The following DPYD variants were observed in gnomAD, a reference collection of about 807,000 sequenced individuals.
DPYD encodes the protein dihydropyrimidine dehydrogenase [NADP(+)].
In DPYD, 109 loss-of-function variants were observed where a neutral mutation model predicts 116.2. That is an observed-to-expected ratio of 0.94 (90% CI 0.80 to 1.10). The LOEUF (loss-of-function observed/expected upper bound fraction) is 1.10. Among genes scored for constraint, DPYD ranks in the 50% least tolerant of loss-of-function variants. DPYD has a pLI of 0.00. For synonymous variants in DPYD, 440 were observed against 432.0 expected, an observed-to-expected ratio of 1.02 and a Z score of -0.23; for missense variants, 1,302 against 1,254.5, an observed-to-expected ratio of 1.04 and a Z score of -0.57.
chr1:97,770,489 T>C (rs954814762), intron 3 of DPYD, among the ~76,000 whole-genome samples: 3 of 152,120 alleles, frequency 2.0e-5, no homozygotes, highest in African/African-American at 7.2e-5. Flanking sequence ...AAATTTTGAA[T>C]AGTGAATGCT....
chr1:97,637,414 C>T (rs1258441900), intron 8 of DPYD, among the ~76,000 whole-genome samples: 3 of 152,016 alleles, frequency 2.0e-5, no homozygotes, highest in East Asian at 1.9e-4. Context: ...TATGAATAAA[C>T]CTTTTTTCCT....
Position 97,181,723 on chromosome 1 carries a change from A to G in DPYD, c.2622+11346T>C, listed in dbSNP as rs79975132. Among the ~76,000 whole-genome samples, 272 of 152,286 alleles carry G rather than the reference A, an allele frequency of 1.8e-3. 2 individuals carry two copies. The highest frequency in any genetic ancestry group is 6.2e-3 in the African/African-American group (258 of 41,552). ...TTGCTCAAATGTTTCTATCTACCCC[A>G]ATATTACCCATATATTTTGGAAATG... On this transcript the variant is annotated intron_variant, in intron 20 of 22. Transcript: ENST00000370192.
intron 14 of DPYD, among the ~76,000 whole-genome samples, chr1:97,421,675 G>T (rs1038677852): frequency 5.9e-5 from 9 of 152,144 alleles, no homozygotes; most frequent in African/African-American, 2.2e-4. Flanking sequence ...GGCCCAAGGT[G>T]AGACACAGGC....
At chr1:97,788,380 G>A (rs956734684) in intron 3 of DPYD, among the ~76,000 whole-genome samples, 4 of 152,142 alleles carry the variant, frequency 2.6e-5, no homozygotes, top group Non-Finnish European at 5.9e-5. Flanking sequence ...AGGAGGAGAA[G>A]CCATATGAGA....
rs371121518 is a variant in DPYD, at chr1:97,118,248, G to A, written c.2623-19616C>T. 7.9e-5 allele frequency among the ~76,000 whole-genome samples: 12 copies of A among 152,146 alleles called. No homozygotes were observed. In the East Asian group the frequency reaches 1.9e-3, roughly 24 times the overall value. On this transcript the variant is annotated intron_variant, in intron 20 of 22. Transcript: ENST00000370192. Reference sequence around the variant, plus strand: ...CAGCACATCGTCTCCCAGTCCAGGCGGGTCTTCCACCCAGACTCTGGGCAC... The same window carrying A: ...CAGCACATCGTCTCCCAGTCCAGGCAGGTCTTCCACCCAGACTCTGGGCAC...
chr1:97,648,801 A>C (rs115408989), intron 8 of DPYD, among the ~76,000 whole-genome samples: 105 of 152,128 alleles, frequency 6.9e-4, no homozygotes, highest in Non-Finnish European at 1.2e-3. Flanking sequence ...AGAACAAAGA[A>C]TTGTTAAGTA....
At chr1:97,704,324 C>T (rs928184904) in intron 5 of DPYD, among the ~76,000 whole-genome samples, 85 of 151,586 alleles carry the variant, frequency 5.6e-4, no homozygotes, top group Non-Finnish European at 1.1e-3. Context: ...AAATTGAAAT[C>T]AATTATAAAT....
In DPYD at chr1:97,098,563, T is replaced by C; in HGVS notation, c.2692A>G (p.Lys898Glu). ...KIIAENKIRL[K>E]EQNVAFSPLK... ...GGTGAAAAAGCTACATTTTGTTCTT[T>C]CAGTCTAATCTTGTTTTCTGCTATG... The change falls in exon 21 of 23, where the codon AAA (lysine) becomes GAA (glutamate). Residue 898 changes from lysine to glutamate, a missense_variant. Transcript: ENST00000370192. The C allele has an allele frequency of 6.2e-7, 1 of 1,613,312 alleles. No individual in the cohort carries two copies. The highest frequency in any genetic ancestry group is 1.1e-5 in the South Asian group (1 of 91,066).
At chr1:97,565,545 C>A (rs1261221043) in intron 11 of DPYD, among the ~76,000 whole-genome samples, 2 of 152,262 alleles carry the variant, frequency 1.3e-5, no homozygotes, top group African/African-American at 2.4e-5. Flanking sequence ...CAGAATGCCT[C>A]CCCGTTGTCT....
chr1:97,152,639 A>G (rs988806259), intron 20 of DPYD, among the ~76,000 whole-genome samples: 7 of 151,066 alleles, frequency 4.6e-5, no homozygotes, highest in Non-Finnish European at 1.0e-4. Context: ...TGTATATAAC[A>G]TATATATGCA....
intron 3 of DPYD, among the ~76,000 whole-genome samples, chr1:97,825,039 CTCTT>C (rs1317905449): frequency 6.6e-6 from 1 of 152,122 alleles, no homozygotes; most frequent in East Asian, 1.9e-4. Flanking sequence ...TTCACTAATC[CTCTT>C]TTTTTCTCTC....
chr1:97,150,843 A>G (rs190477405), intron 20 of DPYD, among the ~76,000 whole-genome samples: 21 of 152,328 alleles, frequency 1.4e-4, no homozygotes, highest in African/African-American at 5.0e-4. Flanking sequence ...AAGAAACTAC[A>G]CACAAATAGA....
At chr1:97,110,190 T>G (rs1651490522) in intron 20 of DPYD, among the ~76,000 whole-genome samples, 1 of 152,130 alleles carries the variant, frequency 6.6e-6, no homozygotes, top group Non-Finnish European at 1.5e-5. Flanking sequence ...GACTCCTTCT[T>G]TCAGATGTAT....
chr1:97,301,884 G>A (rs1223548219), intron 18 of DPYD, among the ~76,000 whole-genome samples: 7 of 151,338 alleles, frequency 4.6e-5, no homozygotes, highest in African/African-American at 1.7e-4. Flanking sequence ...ATCTTAAGAT[G>A]CCCTCATTAT....
At chr1:97,756,357 G>A (rs1366296005) in intron 3 of DPYD, among the ~76,000 whole-genome samples, 1 of 152,146 alleles carries the variant, frequency 6.6e-6, no homozygotes, top group Non-Finnish European at 1.5e-5. Flanking sequence ...GGTGGGAGCA[G>A]GCAGGGAGGC....
At chr1:97,396,083 A>G (rs200556231) in intron 14 of DPYD, among the ~76,000 whole-genome samples, 1 of 99,586 alleles carries the variant, frequency 1.0e-5, no homozygotes, top group East Asian at 3.3e-4. Flanking sequence ...GGAAAAGCTA[A>G]CTGATGCCAC....
At chr1:97,695,778 T>G (rs903918510) in intron 6 of DPYD, among the ~76,000 whole-genome samples, 1 of 151,818 alleles carries the variant, frequency 6.6e-6, no homozygotes, top group South Asian at 2.1e-4. Flanking sequence ...AAGAATGAAT[T>G]TGAAAAAACA....
chr1:97,213,095 C>G (rs1660147408), intron 19 of DPYD, among the ~76,000 whole-genome samples: 1 of 151,874 alleles, frequency 6.6e-6, no homozygotes, highest in South Asian at 2.1e-4. Flanking sequence ...TCTGGAGTCT[C>G]TTGAATAAAA....
chr1:97,581,326 C>CAAAA (rs1161399547), intron 10 of DPYD, among the ~76,000 whole-genome samples: 1,370 of 66,538 alleles, frequency 0.021, 140 homozygotes, highest in Non-Finnish European at 0.029. Context: ...GACTCAGTCT[C>CAAAA]AAAAAAAAAA....
Sources: gnomAD v4.1 joint callset for allele counts (sites outside exome capture counted in the v4.1 genomes callset) on GRCh38, gnomAD v4.1.1 for gene constraint, MANE v1.5 for transcripts, NCBI Gene and HGNC (gene_info 2026-07-23, HGNC 2026-07-21) for gene names.